EPB41: variants seen among roughly 807,000 people sequenced by gnomAD.
EPB41 encodes protein 4.1.
Under a neutral mutation model 108.0 loss-of-function variants are expected in EPB41, and 65 were observed. The observed-to-expected ratio is 0.60, with a 90% CI of 0.49 to 0.74. EPB41 has a LOEUF of 0.74. Among genes scored for constraint, EPB41 ranks in the 30% least tolerant of loss-of-function variants. EPB41 has a pLI of 0.00. For synonymous variants in EPB41, 336 were observed against 358.9 expected (o/e 0.94, Z 0.72); for missense variants, 875 against 1,037.0 (o/e 0.84, Z 2.15).
At chr1:29,105,080 A>T (rs1666695455) in intron 17 of EPB41, among the ~76,000 whole-genome samples, 1 of 152,196 alleles carries the variant, frequency 6.6e-6, no homozygotes, top group Non-Finnish European at 1.5e-5. Flanking sequence ...TTTAGGATAC[A>T]GAACATTACC....
intron 1 of EPB41, among the ~76,000 whole-genome samples, chr1:28,952,884 C>T (rs935265697): frequency 6.6e-6 from 1 of 152,126 alleles, no homozygotes; most frequent in Non-Finnish European, 1.5e-5. Context: ...CGCTCACCAC[C>T]ACGCCCAGCT....
At chr1:29,043,069 C>G (rs1450124344) in intron 11 of EPB41, among the ~76,000 whole-genome samples, 1 of 152,154 alleles carries the variant, frequency 6.6e-6, no homozygotes, top group African/African-American at 2.4e-5. Context: ...CGTGAGCACA[C>G]AAACATAGTC....
chr1:29,019,823 G>A (rs1013663336), intron 7 of EPB41, among the ~76,000 whole-genome samples: 1 of 152,070 alleles, frequency 6.6e-6, no homozygotes, highest in African/African-American at 2.4e-5. Flanking sequence ...GTAGGTTCAG[G>A]TACCTCAGTC....
chr1:28,892,708 A>C (rs934671469), intron 1 of EPB41, among the ~76,000 whole-genome samples: 2 of 152,118 alleles, frequency 1.3e-5, no homozygotes, highest in Non-Finnish European at 2.9e-5. Flanking sequence ...TCAAACAAAC[A>C]AACAAATAAA....
rs371701840 is a variant in EPB41 at position 29,058,603 on chromosome 1, C to T, written c.1860C>T (p.His620=). ...CTTAAATGTAGGTGGAAAAAACCCACATCGAGGTGACAGTACCCACCTCAA... is the reference window on the plus strand; with the variant it reads ...CTTAAATGTAGGTGGAAAAAACCCATATCGAGGTGACAGTACCCACCTCAA... The part of the protein sequence containing the change: ...PTEAWKVEKT[H]IEVTVPTSNG... Residue 620 remains histidine (H), a synonymous_variant, in exon 13 of 21, where the codon CAC becomes CAT. Coordinates refer to ENST00000343067, the MANE Select transcript of EPB41 (RefSeq NM_001376013.1). 79 of 1,613,688 alleles carry T rather than the reference C, an allele frequency of 4.9e-5. No individual in the cohort carries two copies. The Middle Eastern group carries it at 1.6e-3, about 34-fold the overall frequency.
At chr1:28,894,539 G>A (rs2090463028) in intron 1 of EPB41, among the ~76,000 whole-genome samples, 1 of 152,246 alleles carries the variant, frequency 6.6e-6, no homozygotes, top group African/African-American at 2.4e-5. Flanking sequence ...ACAGAGAGGG[G>A]CCTGGCAACT....
At chr1:29,098,825 C>T (rs1664189924) in intron 17 of EPB41, among the ~76,000 whole-genome samples, 1 of 151,914 alleles carries the variant, frequency 6.6e-6, no homozygotes, top group South Asian at 2.1e-4. Flanking sequence ...CAGCTCACTG[C>T]AACCTCTGCC....
chr1:29,052,328 G>C (rs955572842), intron 11 of EPB41, among the ~76,000 whole-genome samples: 1 of 152,150 alleles, frequency 6.6e-6, no homozygotes, highest in African/African-American at 2.4e-5. Flanking sequence ...GACATTGCCA[G>C]ATATTCTCTG....
chr1:29,007,580 A>T (rs1470217100), intron 4 of EPB41, among the ~76,000 whole-genome samples: 1 of 152,108 alleles, frequency 6.6e-6, no homozygotes, highest in Non-Finnish European at 1.5e-5. Context: ...TTCTGCCCTT[A>T]TTGCTCTGCT....
intron 11 of EPB41, 64 bp from the exon 12 acceptor site, chr1:29,053,040 G>A: frequency 6.4e-7 from 1 of 1,562,248 alleles, no homozygotes; most frequent in Non-Finnish European, 8.8e-7. Context: ...TTTGCCTGGT[G>A]ACTTTGAAAT....
intron 11 of EPB41, among the ~76,000 whole-genome samples, chr1:29,050,131 T>C (rs564314962): frequency 1.3e-5 from 2 of 152,356 alleles, no homozygotes; most frequent in East Asian, 3.9e-4. Context: ...GGCACACTAC[T>C]ATATGTGACT....
chr1:29,100,946 C>T (rs1329683447), intron 17 of EPB41, among the ~76,000 whole-genome samples: 2 of 150,120 alleles, frequency 1.3e-5, no homozygotes, highest in South Asian at 2.1e-4. Flanking sequence ...AAAAGAGGGC[C>T]GGGTGCAGTG....
At chr1:28,904,506 A>G (rs1233329597) in intron 1 of EPB41, among the ~76,000 whole-genome samples, 4 of 152,134 alleles carry the variant, frequency 2.6e-5, no homozygotes, top group African/African-American at 9.7e-5. Context: ...CTCTAAGGTA[A>G]TGGTATTTGG....
intron 6 of EPB41, among the ~76,000 whole-genome samples, chr1:29,016,901 T>C (rs2150040793): frequency 6.6e-6 from 1 of 152,344 alleles, no homozygotes; most frequent in Admixed American, 6.5e-5. Context: ...TTACAGTCTT[T>C]AGGCCTAGAT....
chr1:29,103,222 A>T (rs1666060710), intron 17 of EPB41, among the ~76,000 whole-genome samples: 1 of 152,172 alleles, frequency 6.6e-6, no homozygotes. Context: ...CCAAAATTTA[A>T]ATGGTTCAAA....
upstream of EPB41, among the ~76,000 whole-genome samples, chr1:28,913,504 ATTG>A (rs2092366802): frequency 6.6e-6 from 1 of 152,206 alleles, no homozygotes; most frequent in Non-Finnish European, 1.5e-5. Flanking sequence ...GAGACTAAGA[ATTG>A]AACCCAGGCA....
chr1:28,953,564 A>G (rs2094827135), intron 1 of EPB41, among the ~76,000 whole-genome samples: 1 of 152,232 alleles, frequency 6.6e-6, no homozygotes, highest in African/African-American at 2.4e-5. Context: ...TCTGGCTGAC[A>G]GGGCAAGACC....
chr1:28,996,942 C>T (rs958741377), intron 3 of EPB41, among the ~76,000 whole-genome samples: 4 of 151,940 alleles, frequency 2.6e-5, no homozygotes, highest in Non-Finnish European at 4.4e-5. Context: ...CACTTGAGCC[C>T]GGGAGTTCAA....
chr1:29,093,204 A>AC (rs1258091963), intron 16 of EPB41, among the ~76,000 whole-genome samples: 2 of 152,126 alleles, frequency 1.3e-5, no homozygotes, highest in African/African-American at 2.4e-5. Flanking sequence ...CTGCAACCTC[A>AC]CCAGCATCTG....
Sources: gnomAD v4.1 joint callset for allele counts (sites outside exome capture counted in the v4.1 genomes callset) on GRCh38, gnomAD v4.1.1 for gene constraint, MANE v1.5 for transcripts, NCBI Gene and HGNC (gene_info 2026-07-23, HGNC 2026-07-21) for gene names.